MKLN1: variants seen among roughly 807,000 people sequenced by gnomAD.
MKLN1 encodes the protein muskelin 1.
MKLN1 carries 18 observed loss-of-function variants against 99.0 expected under a neutral mutation model. The ratio of observed to expected loss-of-function variants is 0.18; its 90% CI spans 0.13 to 0.27. MKLN1 has a LOEUF of 0.27. MKLN1 is among the 10% of genes least tolerant of loss of function. MKLN1 has a pLI of 1.00. For synonymous variants in MKLN1, 288 were observed against 293.2 expected (o/e 0.98, Z 0.18); for missense variants, 621 against 875.9 (o/e 0.71, Z 3.67).
chr7:131,251,093 A>ACGTG (rs1554542497), intron 3 of MKLN1, among the ~76,000 whole-genome samples: 4 of 146,160 alleles, frequency 2.7e-5, no homozygotes, highest in Admixed American at 6.8e-5. Flanking sequence ...TGGGGCCCAG[A>ACGTG]TGTGTGTGTG....
chr7:131,172,172 G>A (rs1049719605), intron 2 of MKLN1, among the ~76,000 whole-genome samples: 3 of 151,696 alleles, frequency 2.0e-5, no homozygotes, highest in East Asian at 1.9e-4. Context: ...ATGGAGTCTC[G>A]CTCTGTCGCC....
At chr7:131,132,983 A>G (rs191280069) in intron 1 of MKLN1, among the ~76,000 whole-genome samples, 249 of 135,740 alleles carry the variant, frequency 1.8e-3, no homozygotes, top group Middle Eastern at 7.8e-3. Context: ...AAGAAAGAAA[A>G]ACCAGAGCAT....
At chr7:131,283,352 CCTTCCTTCCTT>C (rs1563278456) in intron 3 of MKLN1, among the ~76,000 whole-genome samples, 16 of 37,928 alleles carry the variant, frequency 4.2e-4, no homozygotes, top group African/African-American at 2.5e-4. Context: ...TCCCCTCCTT[CCTTCCTTCCTT>C]CCTTCCTTCC....
chr7:131,425,983 G>T (rs1020523994), intron 8 of MKLN1, among the ~76,000 whole-genome samples: 2 of 151,920 alleles, frequency 1.3e-5, no homozygotes, highest in African/African-American at 2.4e-5. Context: ...TTTTTGTTAC[G>T]CATTTTCATT....
chr7:131,329,361 C>T (rs900291068), intron 1 of MKLN1, among the ~76,000 whole-genome samples: 4 of 152,298 alleles, frequency 2.6e-5, no homozygotes, highest in African/African-American at 9.6e-5. Context: ...CTATTCATGG[C>T]CATATCCCTG....
At chr7:131,114,938 G>GA (rs762049373) in intron 1 of MKLN1, among the ~76,000 whole-genome samples, 1,503 of 120,792 alleles carry the variant, frequency 0.012, 18 homozygotes, top group Non-Finnish European at 0.017. Context: ...TCTGTCTCAA[G>GA]AAAAAAAAAA....
At chr7:131,257,019 C>A (rs1336136443) in intron 3 of MKLN1, among the ~76,000 whole-genome samples, 1 of 152,136 alleles carries the variant, frequency 6.6e-6, no homozygotes, top group African/African-American at 2.4e-5. Flanking sequence ...TACATACATA[C>A]TTGCTTTATT....
chr7:131,406,895 A>G (rs1794725306), intron 6 of MKLN1, among the ~76,000 whole-genome samples: 1 of 151,992 alleles, frequency 6.6e-6, no homozygotes, highest in African/African-American at 2.4e-5. Flanking sequence ...GACTGTTTAA[A>G]TATTTTATAT....
At chr7:131,270,922 T>C (rs1025808094) in intron 3 of MKLN1, among the ~76,000 whole-genome samples, 3 of 152,154 alleles carry the variant, frequency 2.0e-5, no homozygotes, top group Admixed American at 6.5e-5. Context: ...CTTTTTAGGA[T>C]AATCATTCAT....
intron 3 of MKLN1, among the ~76,000 whole-genome samples, chr7:131,215,690 C>T (rs1347318964): frequency 6.6e-6 from 1 of 152,172 alleles, no homozygotes; most frequent in African/African-American, 2.4e-5. Flanking sequence ...TCTTCATAAA[C>T]GATTACATTA....
At chr7:131,376,136 G>GTATA (rs1793652399) in intron 2 of MKLN1, among the ~76,000 whole-genome samples, 1 of 9,496 alleles carries the variant, frequency 1.1e-4, no homozygotes, top group African/African-American at 3.5e-4. Flanking sequence ...ATATATATAT[G>GTATA]TATGATGTAT....
At chr7:131,355,734 C>G (rs967021554) in intron 1 of MKLN1, among the ~76,000 whole-genome samples, 3 of 149,566 alleles carry the variant, frequency 2.0e-5, no homozygotes, top group Non-Finnish European at 4.4e-5. Flanking sequence ...GATCATAGCT[C>G]ACTGGAACCT....
intron 3 of MKLN1, among the ~76,000 whole-genome samples, chr7:131,225,180 ATTTG>A (rs948727332): frequency 6.6e-6 from 1 of 152,148 alleles, no homozygotes; most frequent in African/African-American, 2.4e-5. Context: ...AACATGTGGA[ATTTG>A]TTTGTCACAG....
At chr7:131,113,961 T>C (rs940595951) in intron 1 of MKLN1, among the ~76,000 whole-genome samples, 1 of 152,196 alleles carries the variant, frequency 6.6e-6, no homozygotes, top group African/African-American at 2.4e-5. Context: ...ACTGCCCCCA[T>C]GATCCAGTCA....
chr7:131,135,454 C>T (rs958558610), intron 1 of MKLN1, among the ~76,000 whole-genome samples: 4 of 152,094 alleles, frequency 2.6e-5, no homozygotes, highest in African/African-American at 9.7e-5. Context: ...TTTAGGGACG[C>T]ATCAGAGTGA....
At chr7:131,142,289 T>A (rs932094337) in intron 1 of MKLN1, among the ~76,000 whole-genome samples, 2 of 152,138 alleles carry the variant, frequency 1.3e-5, no homozygotes, top group South Asian at 4.1e-4. Flanking sequence ...TGTGTGCCTG[T>A]AATTCCAGCT....
At chr7:131,195,327 AT>A (rs1419130354) in intron 2 of MKLN1, among the ~76,000 whole-genome samples, 2 of 151,472 alleles carry the variant, frequency 1.3e-5, no homozygotes, top group African/African-American at 4.9e-5. Flanking sequence ...CCTGGCCAAC[AT>A]GGTGAAACCC....
chr7:131,201,581 A>T (rs868799551), intron 2 of MKLN1, among the ~76,000 whole-genome samples: 1 of 152,204 alleles, frequency 6.6e-6, no homozygotes, highest in Non-Finnish European at 1.5e-5. Flanking sequence ...ACATTTTTAC[A>T]ATTAGAATCA....
chr7:131,164,761 G>C (rs1394932323), intron 2 of MKLN1, among the ~76,000 whole-genome samples: 1 of 152,200 alleles, frequency 6.6e-6, no homozygotes, highest in African/African-American at 2.4e-5. Context: ...GGAAGACAGA[G>C]AGAGAATGGT....
Sources: allele counts gnomAD v4.1 joint callset (sites outside exome capture counted in the v4.1 genomes callset), GRCh38; gene constraint gnomAD v4.1.1; transcripts MANE v1.5; gene names NCBI Gene and HGNC (gene_info 2026-07-23, HGNC 2026-07-21).